The following MAD1L1 variants were observed in gnomAD, a reference collection of about 807,000 sequenced individuals.
MAD1L1 encodes the protein mitotic arrest deficient 1 like 1.
In MAD1L1, 95 loss-of-function variants were observed where a neutral mutation model predicts 96.9. The observed-to-expected ratio is 0.98, with a 90% CI of 0.83 to 1.16. The LOEUF (loss-of-function observed/expected upper bound fraction) is 1.16, where lower values mean the gene tolerates loss of function less well. Among genes scored for constraint, MAD1L1 ranks in the 50% most tolerant of loss-of-function variants. MAD1L1 has a pLI of 0.00. For missense variants in MAD1L1, 1,007 were observed against 954.4 expected (o/e 1.06, Z -0.73); for synonymous variants, 473 against 396.6 (o/e 1.19, Z -2.29).
intron 13 of MAD1L1, among the ~76,000 whole-genome samples, chr7:2,009,214 T>G (rs1399484661): frequency 6.6e-6 from 1 of 152,132 alleles, no homozygotes; most frequent in African/African-American, 2.4e-5. Context: ...GCCGGGCTAT[T>G]TTTATCCTGA....
At chr7:1,830,793 T>A (rs1480477066) in intron 18 of MAD1L1, among the ~76,000 whole-genome samples, 3 of 151,888 alleles carry the variant, frequency 2.0e-5, no homozygotes, top group African/African-American at 7.3e-5. Flanking sequence ...CATGAACTTG[T>A]AAAAAATTCA....
At chr7:1,897,822 C>T (rs1368931876) in intron 18 of MAD1L1, among the ~76,000 whole-genome samples, 2 of 152,242 alleles carry the variant, frequency 1.3e-5, no homozygotes, top group Non-Finnish European at 2.9e-5. Context: ...GAAGGCGTCC[C>T]CTGCCCCGGC....
At chr7:2,063,857 C>T (rs1157716467) in intron 12 of MAD1L1, among the ~76,000 whole-genome samples, 3 of 152,206 alleles carry the variant, frequency 2.0e-5, no homozygotes, top group Non-Finnish European at 4.4e-5. Flanking sequence ...GGCAGCCAGC[C>T]TCCCTCGCTC....
At chr7:2,180,393 A>C (rs987420496) in intron 10 of MAD1L1, among the ~76,000 whole-genome samples, 16 of 152,232 alleles carry the variant, frequency 1.1e-4, no homozygotes, top group Non-Finnish European at 1.8e-4. Context: ...ATTCATTCTG[A>C]GACTGGCCTT....
At chr7:2,150,408 C>G (rs1789514933) in intron 10 of MAD1L1, among the ~76,000 whole-genome samples, 1 of 152,178 alleles carries the variant, frequency 6.6e-6, no homozygotes, top group Admixed American at 6.5e-5. Flanking sequence ...CCTGAGACAG[C>G]CACTGACCTT....
chr7:1,896,083 G>C lies in MAD1L1; in HGVS notation c.1998+2117C>G, dbSNP rs562619174. On this transcript the variant is annotated intron_variant, in intron 18 of 18. Coordinates refer to ENST00000265854, the MANE Select transcript of MAD1L1 (RefSeq NM_001013836.2). ...GCTGTGTGTCCTTTAGGCCTGGGGC[G>C]AGCAGGGCTGGGGAGCTGGCCAGCT... Among the ~76,000 whole-genome samples the C allele has an allele frequency of 1.1e-3, 174 of 152,332 alleles. 10 individuals are homozygous for C. Among genetic ancestry groups the C allele is most frequent in the Middle Eastern group, 3.4e-3 (1 of 292 alleles).
chr7:1,889,810 C>G (rs1000150200), intron 18 of MAD1L1, among the ~76,000 whole-genome samples: 1 of 152,220 alleles, frequency 6.6e-6, no homozygotes, highest in Non-Finnish European at 1.5e-5. Context: ...ATGGTGGCTC[C>G]AGACCCAGCT....
rs2128483926 is a variant in MAD1L1, at chr7:1,980,548, G to T, written c.1417-7C>A. ...TCTTCAGCTCCATCTCCAGCTAGGA[G>T]AAAGCAAAGGATAGAGGGTCAGCAG... On this transcript the variant is annotated splice_polypyrimidine_tract_variant and splice_region_variant and intron_variant, in intron 14 of 18. Coordinates refer to ENST00000265854, the MANE Select transcript of MAD1L1 (RefSeq NM_001013836.2). 6.2e-7 allele frequency: 1 copy of T among 1,608,324 alleles called. No individual in the cohort carries two copies. Among genetic ancestry groups the T allele is most frequent in the Non-Finnish European group, 8.5e-7 (1 of 1,177,060 alleles).
chr7:1,993,684 T>C (rs1474051583), intron 14 of MAD1L1, among the ~76,000 whole-genome samples: 1 of 152,230 alleles, frequency 6.6e-6, no homozygotes, highest in African/African-American at 2.4e-5. Flanking sequence ...TCAGCTACTT[T>C]TTCTAAAATG....
chr7:1,973,380 C>T (rs567771896), intron 15 of MAD1L1, among the ~76,000 whole-genome samples: 2 of 152,306 alleles, frequency 1.3e-5, no homozygotes, highest in Admixed American at 6.5e-5. Context: ...TCCTGGTACA[C>T]GCGGAGTGCG....
chr7:1,886,394 G>A (rs1055126465), intron 18 of MAD1L1, among the ~76,000 whole-genome samples: 2 of 152,248 alleles, frequency 1.3e-5, no homozygotes, highest in African/African-American at 2.4e-5. Flanking sequence ...CAAAGCGGAT[G>A]CTTCATCTGA....
chr7:2,009,790 C>CTTA (rs1782208429), intron 13 of MAD1L1, among the ~76,000 whole-genome samples: 1 of 152,212 alleles, frequency 6.6e-6, no homozygotes, highest in Non-Finnish European at 1.5e-5. Context: ...AGGACAGAGC[C>CTTA]TGCCCTGGGC....
At chr7:2,017,348 C>T (rs1782587889) in intron 12 of MAD1L1, among the ~76,000 whole-genome samples, 1 of 152,258 alleles carries the variant, frequency 6.6e-6, no homozygotes, top group Admixed American at 6.5e-5. Context: ...GCTGCTCCTC[C>T]TTAGGTACAG....
At chr7:1,856,114 T>C (rs1332338686) in intron 18 of MAD1L1, among the ~76,000 whole-genome samples, 2 of 152,134 alleles carry the variant, frequency 1.3e-5, no homozygotes, top group Admixed American at 6.5e-5. Context: ...GCGTTAGAAT[T>C]TCAACGTATG....
intron 16 of MAD1L1, among the ~76,000 whole-genome samples, chr7:1,947,407 T>C (rs2128469676): frequency 6.6e-6 from 1 of 152,332 alleles, no homozygotes; most frequent in South Asian, 2.1e-4. Context: ...CACCAGTCCT[T>C]ATGCATATTT....
At chr7:2,068,560 A>G in intron 12 of MAD1L1, among the ~76,000 whole-genome samples, 1 of 152,184 alleles carries the variant, frequency 6.6e-6, no homozygotes, top group Admixed American at 6.5e-5. Flanking sequence ...CGCCCAGCAA[A>G]CTGGACACCC....
At chr7:2,174,646 G>A (rs1790864607) in intron 10 of MAD1L1, among the ~76,000 whole-genome samples, 2 of 152,042 alleles carry the variant, frequency 1.3e-5, no homozygotes, top group South Asian at 4.2e-4. Context: ...CACTTACACT[G>A]ATTTTTTCCC....
At chr7:1,895,934 G>A (rs1171230671) in intron 18 of MAD1L1, among the ~76,000 whole-genome samples, 1 of 152,268 alleles carries the variant, frequency 6.6e-6, no homozygotes, top group Non-Finnish European at 1.5e-5. Flanking sequence ...GGCCTGGGGA[G>A]GCGCCAAGGC....
intron 1 of MAD1L1, among the ~76,000 whole-genome samples, chr7:2,232,397 C>G (rs1794240469): frequency 6.6e-6 from 1 of 152,252 alleles, no homozygotes; most frequent in African/African-American, 2.4e-5. Flanking sequence ...CGGGCCCACA[C>G]GCCCCCTTCC....
Sources: allele counts gnomAD v4.1 joint callset (sites outside exome capture counted in the v4.1 genomes callset), GRCh38; gene constraint gnomAD v4.1.1; transcripts MANE v1.5; gene names NCBI Gene and HGNC (gene_info 2026-07-23, HGNC 2026-07-21).